ACTR3: variants seen among roughly 807,000 people sequenced by gnomAD.
The protein encoded by ACTR3 is actin-related protein 3.
Under a neutral mutation model 56.8 loss-of-function variants are expected in ACTR3, and 12 were observed. That is an observed-to-expected ratio of 0.21 (90% CI 0.14 to 0.34). ACTR3 has a LOEUF of 0.34. Ranked by LOEUF, ACTR3 falls within the 10% of genes least tolerant of loss-of-function variation. The probability of loss-of-function intolerance (pLI) is 1.00; values close to 1 mark genes in which losing one functional copy is unlikely to be tolerated. For synonymous variants in ACTR3, 162 were observed against 167.4 expected (o/e 0.97, Z 0.25); for missense variants, 282 against 512.5 (o/e 0.55, Z 4.34).
At chr2:113,938,790 C>CT (rs1679873500) in intron 6 of ACTR3, among the ~76,000 whole-genome samples, 1 of 152,170 alleles carries the variant, frequency 6.6e-6, no homozygotes, top group Non-Finnish European at 1.5e-5. Flanking sequence ...GGTTCAACTC[C>CT]TCCCCCTCCA....
intron 6 of ACTR3, among the ~76,000 whole-genome samples, chr2:113,934,814 C>T (rs1481808647): frequency 6.6e-6 from 1 of 152,060 alleles, no homozygotes; most frequent in Non-Finnish European, 1.5e-5. Flanking sequence ...AAGAAAAATG[C>T]ATCAAATTAG....
chr2:113,954,953 CGT>C (rs1279914872), intron 10 of ACTR3: 1 of 152,094 alleles, frequency 6.6e-6, no homozygotes, highest in Non-Finnish European at 1.5e-5. Context: ...TTTTTACAGA[CGT>C]CTCCAGTTAT....
In ACTR3 at chr2:113,906,378, C is replaced by G. The variant is rs141730111; in HGVS notation, c.45-6794C>G. Among the ~76,000 whole-genome samples the G allele has an allele frequency of 2.7e-3, 416 of 152,206 alleles. 3 individuals carry two copies. The highest frequency in any genetic ancestry group is 9.7e-3 in the African/African-American group (401 of 41,536). ...TGTTCTTTATTCTGGATATTAATCC[C>G]TTACAGATAGTGATTTGCAAATATT... On this transcript the variant is annotated intron_variant, in intron 1 of 11. Coordinates refer to ENST00000263238, the MANE Select transcript of ACTR3 (RefSeq NM_005721.5).
chr2:113,916,481 A>G (rs1265510588), intron 2 of ACTR3, among the ~76,000 whole-genome samples: 3 of 152,222 alleles, frequency 2.0e-5, no homozygotes, highest in Non-Finnish European at 2.9e-5. Flanking sequence ...ATGTAAAGAA[A>G]GTTTAAAAAA....
chr2:113,940,810 ATTTTTATTGATTTT>A (rs1559484395), intron 7 of ACTR3, among the ~76,000 whole-genome samples: 1 of 133,990 alleles, frequency 7.5e-6, no homozygotes, highest in Non-Finnish European at 1.6e-5. Flanking sequence ...TTAATTTCTT[ATTTTTATTGATTTT>A]TTTTTTTTTT....
intron 1 of ACTR3, chr2:113,904,945 A>G (rs1411482754): frequency 2.0e-5 from 3 of 152,102 alleles, no homozygotes; most frequent in Non-Finnish European, 2.9e-5. Flanking sequence ...TTATATGTTA[A>G]AGAGATTATA....
At chr2:113,928,037 A>G (rs1046972944) in intron 4 of ACTR3, among the ~76,000 whole-genome samples, 1 of 151,028 alleles carries the variant, frequency 6.6e-6, no homozygotes. Context: ...TTTTTTTTTT[A>G]TTTCTTCTGT....
intron 1 of ACTR3, among the ~76,000 whole-genome samples, chr2:113,912,026 C>A (rs1024598778): frequency 2.0e-5 from 3 of 152,128 alleles, no homozygotes; most frequent in African/African-American, 7.2e-5. Flanking sequence ...AGGCATGAGC[C>A]ACTGCTCCCA....
chr2:113,951,451 T>C (rs774091461), intron 8 of ACTR3, 28 bp from the exon 9 acceptor site: 8 of 1,446,234 alleles, frequency 5.5e-6, no homozygotes, highest in Non-Finnish European at 5.8e-6. Context: ...TGATATGATC[T>C]CTATTATATA....
chr2:113,924,039 T>G (rs1679570806), intron 3 of ACTR3, among the ~76,000 whole-genome samples: 2 of 150,534 alleles, frequency 1.3e-5, no homozygotes, highest in Admixed American at 6.6e-5. Context: ...TGTTGGCATC[T>G]TCTGACTTTT....
intron 6 of ACTR3, among the ~76,000 whole-genome samples, chr2:113,938,013 T>G (rs1340303692): frequency 6.6e-6 from 1 of 152,138 alleles, no homozygotes; most frequent in African/African-American, 2.4e-5. Flanking sequence ...ATCATGATGC[T>G]CTGTACATTT....
At chr2:113,924,606 A>G (rs1679581964) in intron 3 of ACTR3, among the ~76,000 whole-genome samples, 1 of 152,224 alleles carries the variant, frequency 6.6e-6, no homozygotes, top group South Asian at 2.1e-4. Context: ...ATTTTTGAGA[A>G]TCTAGTCCCT....
chr2:113,907,000 A>G (rs1441962568), intron 1 of ACTR3, among the ~76,000 whole-genome samples: 1 of 152,178 alleles, frequency 6.6e-6, no homozygotes, highest in Non-Finnish European at 1.5e-5. Context: ...TAGGATTTTG[A>G]TGGGAAATGC....
chr2:113,894,840 A>G (rs572073623), intron 1 of ACTR3, among the ~76,000 whole-genome samples: 78 of 152,274 alleles, frequency 5.1e-4, no homozygotes, highest in East Asian at 2.5e-3. Flanking sequence ...TCGATCTGCT[A>G]TTTGGACCTG....
intron 8 of ACTR3, among the ~76,000 whole-genome samples, chr2:113,944,640 T>TA (rs1358047745): frequency 2.0e-5 from 3 of 146,706 alleles, no homozygotes; most frequent in Non-Finnish European, 4.5e-5. Flanking sequence ...TGGGCGCCTG[T>TA]AGTCCCAGCT....
At position 113,934,337 on chromosome 2, in the gene ACTR3, C is replaced by T. The variant is rs1386861291; in HGVS notation, c.491C>T (p.Thr164Ile). The change falls in exon 6 of 12, where the codon ACC becomes ATC. Residue 164 changes from threonine (T) to isoleucine (I), a missense_variant. Physicochemically the swap from Thr to Ile is moderately conservative, Grantham distance 89. Coordinates refer to ENST00000263238, the MANE Select transcript of ACTR3 (RefSeq NM_005721.5). ...TSRQVGERTL[T>I]GTVIDSGDGV... ...AGACAAGTAGGAGAACGGACGTTGACCGGTACGGTAATAGACAGTGGAGAT... is the reference window on the plus strand; with the variant it reads ...AGACAAGTAGGAGAACGGACGTTGATCGGTACGGTAATAGACAGTGGAGAT... 6.2e-7 allele frequency: 1 copy of T among 1,609,760 alleles called. No individual in the cohort carries two copies. Among genetic ancestry groups the T allele is most frequent in the Non-Finnish European group, 8.5e-7 (1 of 1,178,668 alleles).
At chr2:113,956,827 A>T (rs777477136) in intron 11 of ACTR3, among the ~76,000 whole-genome samples, 1 of 152,214 alleles carries the variant, frequency 6.6e-6, no homozygotes, top group Non-Finnish European at 1.5e-5. Flanking sequence ...GTCTTCTTCA[A>T]TTGGGCCATA....
chr2:113,895,390 GT>G (rs1559453102), intron 1 of ACTR3, among the ~76,000 whole-genome samples: 2 of 152,084 alleles, frequency 1.3e-5, no homozygotes, highest in Non-Finnish European at 2.9e-5. Flanking sequence ...GAAGATGAAC[GT>G]TTGACATGGC....
At chr2:113,951,674 T>C in intron 9 of ACTR3, 46 bp from the exon 10 acceptor site, 1 of 1,487,406 alleles carries the variant, frequency 6.7e-7, no homozygotes, top group Non-Finnish European at 9.1e-7. Context: ...ATTATATCTT[T>C]AAACTTTTCT....
Sources: allele counts gnomAD v4.1 joint callset (sites outside exome capture counted in the v4.1 genomes callset), GRCh38; gene constraint gnomAD v4.1.1; transcripts MANE v1.5; gene names NCBI Gene and HGNC (gene_info 2026-07-23, HGNC 2026-07-21).